The following ZMYM6 variants were observed in gnomAD, a reference collection of about 807,000 sequenced individuals.
ZMYM6 encodes the protein zinc finger MYM-type protein 6.
A neutral mutation model predicts 134.0 loss-of-function variants in ZMYM6; 90 were observed. The ratio of observed to expected loss-of-function variants is 0.67; its 90% CI spans 0.57 to 0.80. ZMYM6 has a LOEUF of 0.80. ZMYM6 is among the 30% of genes least tolerant of loss of function. ZMYM6 has a pLI of 0.00. For synonymous variants in ZMYM6, 481 were observed against 524.1 expected (o/e 0.92, Z 1.12); for missense variants, 1,362 against 1,533.9 (o/e 0.89, Z 1.87).
At chr1:35,020,491 A>AC in intron 2 of ZMYM6, 24 bp from the exon 3 acceptor site, 1 of 1,559,900 alleles carries the variant, frequency 6.4e-7, no homozygotes, top group Non-Finnish European at 8.7e-7. Flanking sequence ...AAGAAAAGAG[A>AC]AAAGAGCAAT....
At chr1:35,008,138 T>C (rs1641018104) in intron 11 of ZMYM6, among the ~76,000 whole-genome samples, 1 of 152,172 alleles carries the variant, frequency 6.6e-6, no homozygotes, top group Non-Finnish European at 1.5e-5. Flanking sequence ...ATAGATGCTG[T>C]CTTGCTGTCA....
At position 35,010,806 on chromosome 1, in the gene ZMYM6, C is replaced by A; in HGVS notation, c.1293G>T (p.Gln431His). The change falls in exon 9 of 16, where the codon CAG becomes CAT. Residue 431 changes from glutamine to histidine, a missense_variant. Gln to His is a conservative substitution (Grantham distance 24). Around this residue, in one of 3 missense-constraint regions of ZMYM6, gnomAD observed 503 missense variants for 520.8 expected, o/e 0.97. Coordinates refer to ENST00000357182, the MANE Select transcript of ZMYM6 (RefSeq NM_007167.4). ...TTGTGGCAAATAGATGGTTACAGTGCTGACACTTGAGTTTAACAACTGTAT... is the reference window on the plus strand; with the variant it reads ...TTGTGGCAAATAGATGGTTACAGTGATGACACTTGAGTTTAACAACTGTAT... ...LTHTVVKLKCQHCNHLFATKP... is the reference protein window; with the variant it reads ...LTHTVVKLKCHHCNHLFATKP... The A allele has an allele frequency of 6.3e-7, 1 of 1,599,380 alleles. No individual in the cohort carries two copies.
In ZMYM6 at chr1:35,010,302, T is replaced by C. The variant is rs983736360; in HGVS notation, c.1492+145A>G. Reference sequence around the variant, plus strand: ...TCCCAAAATGCTGGGATTACAGGCGTGAGCCTCCATGCCCGGCCTCCAAAA... The same window carrying C: ...TCCCAAAATGCTGGGATTACAGGCGCGAGCCTCCATGCCCGGCCTCCAAAA... On this transcript the variant is annotated intron_variant, in intron 10 of 15. Coordinates refer to ENST00000357182, the MANE Select transcript of ZMYM6 (RefSeq NM_007167.4). 3.0e-5 allele frequency: 32 copies of C among 1,065,216 alleles called. No individual in the cohort carries two copies. The Middle Eastern group carries it at 1.1e-3, about 35-fold the overall frequency. The allele number at this position is 1,065,216 out of a possible 1,614,324, so 66.0% of individuals were successfully genotyped here. A position where few individuals can be genotyped will look rare whatever the true frequency, so the allele number is the denominator to read the frequency against.
intron 4 of ZMYM6, chr1:35,018,727 TCTTA>T (rs369645923): frequency 6.6e-6 from 1 of 152,276 alleles, no homozygotes; most frequent in African/African-American, 2.4e-5. Context: ...AAAAGCAAGC[TCTTA>T]CTGTTTTTTG....
intron 14 of ZMYM6, 104 bp from the exon 15 acceptor site, chr1:34,992,491 T>C (rs1265720361): frequency 9.7e-6 from 12 of 1,241,680 alleles, no homozygotes; most frequent in African/African-American, 3.1e-5. Flanking sequence ...AAGAGAAATA[T>C]AATTCCTCTG....
chr1:34,988,299 A>T lies in ZMYM6; in HGVS notation c.2783T>A (p.Ile928Asn). The change falls in exon 16 of 16, where the codon ATT becomes AAT. Residue 928 changes from isoleucine to asparagine, a missense_variant. Coordinates refer to ENST00000357182, the MANE Select transcript of ZMYM6 (RefSeq NM_007167.4). ...ISNITLLLCY[I>N]RFIDYDCRDV... ...ACGACAATCATAATCAATGAAACGA[A>T]TATAGCACAAAAGAAGTGTGATATT... The T allele has an allele frequency of 1.3e-6, 2 of 1,551,136 alleles. No individual in the cohort carries two copies. The highest frequency in any genetic ancestry group is 1.7e-6 in the Non-Finnish European group (2 of 1,146,630).
chr1:35,015,897 G>A (rs1474197882), intron 4 of ZMYM6, among the ~76,000 whole-genome samples: 1 of 150,520 alleles, frequency 6.6e-6, no homozygotes, highest in Non-Finnish European at 1.5e-5. Flanking sequence ...TTAGCCAGAG[G>A]CTGCCCAAAG....
At chr1:34,989,623 C>G (rs1640634135) in intron 15 of ZMYM6, 1 of 151,784 alleles carries the variant, frequency 6.6e-6, no homozygotes, top group Admixed American at 6.6e-5. Context: ...AAAAAAAGGC[C>G]AGGCATGGGG....
chr1:35,003,753 C>A, intron 14 of ZMYM6: 1 of 501,132 alleles, frequency 2.0e-6, no homozygotes, highest in Non-Finnish European at 3.6e-6. Flanking sequence ...CAGCAATCCA[C>A]ATTTACATCA....
At position 34,988,253 on chromosome 1, in the gene ZMYM6, T is replaced by G; in HGVS notation, c.2829A>C (p.Leu943Phe). Residue 943 changes from leucine (L) to phenylalanine (F), a missense_variant, in exon 16 of 16, where the codon TTA becomes TTC. By Grantham distance (22) the Leu-to-Phe change is conservative. Coordinates refer to ENST00000357182, the MANE Select transcript of ZMYM6 (RefSeq NM_007167.4). ...YDCRDVKEEL[L>F]FCIEMPTQIT... ...TTTGAGTAGGCATTTCAATGCAAAA[T>G]AATAATTCTTCTTTTACATCACGAC... 1 of 1,550,200 alleles carries G rather than the reference T, an allele frequency of 6.5e-7. No individual in the cohort carries two copies. The highest frequency in any genetic ancestry group is 8.7e-7 in the Non-Finnish European group (1 of 1,146,200).
At position 35,008,940 on chromosome 1, in the gene ZMYM6, A is replaced by C; in HGVS notation, c.1493-16T>G. On this transcript the variant is annotated splice_polypyrimidine_tract_variant and intron_variant, in intron 10 of 15. Coordinates refer to ENST00000357182, the MANE Select transcript of ZMYM6 (RefSeq NM_007167.4). ...AATTTGCAAACTGAGGATCAGAGGGATGAAAGGAAGAAAAATCAAATTTAC... is the reference window on the plus strand; with the variant it reads ...AATTTGCAAACTGAGGATCAGAGGGCTGAAAGGAAGAAAAATCAAATTTAC... 1 of 1,598,834 alleles carries C rather than the reference A, an allele frequency of 6.3e-7. No individual in the cohort carries two copies. The highest frequency in any genetic ancestry group is 8.5e-7 in the Non-Finnish European group (1 of 1,173,056).
chr1:35,021,142 G>A (rs1243666415), intron 2 of ZMYM6, among the ~76,000 whole-genome samples: 1 of 146,094 alleles, frequency 6.8e-6, no homozygotes, highest in Non-Finnish European at 1.5e-5. Flanking sequence ...TTGACATGGA[G>A]TCTCATTCTG....
chr1:35,011,179 A>C, intron 8 of ZMYM6, 143 bp from the exon 9 acceptor site: 1 of 884,238 alleles, frequency 1.1e-6, no homozygotes. Flanking sequence ...TTTAAATGGT[A>C]TATTTCCAGA....
chr1:35,030,436 T>G (rs2148464804), intron 2 of ZMYM6, 111 bp downstream of exon 2: 1 of 972,184 alleles, frequency 1.0e-6, no homozygotes, highest in Non-Finnish European at 1.5e-6. Flanking sequence ...CTGTCTCAGT[T>G]TGGGTTATTT....
rs927267121 is a variant in ZMYM6, at chr1:35,030,542, C to A, written c.93+5G>T. ...TAAATTTTTAAATGAAGATGAAATGCTTACTTGAGCATTGTCTGGTTCTTC... is the reference window on the plus strand; with the variant it reads ...TAAATTTTTAAATGAAGATGAAATGATTACTTGAGCATTGTCTGGTTCTTC... On this transcript the variant is annotated splice_donor_5th_base_variant and intron_variant, in intron 2 of 15. Transcript: ENST00000357182. 3.8e-6 allele frequency: 6 copies of A among 1,597,656 alleles called. No individual in the cohort carries two copies. The highest frequency in any genetic ancestry group is 5.1e-6 in the Non-Finnish European group (6 of 1,176,606).
intron 12 of ZMYM6, among the ~76,000 whole-genome samples, chr1:35,006,648 C>T (rs970144538): frequency 2.0e-5 from 3 of 152,094 alleles, no homozygotes; most frequent in African/African-American, 7.2e-5. Context: ...TAGTATATAT[C>T]CCTAGTTTAA....
Position 35,005,130 on chromosome 1 carries a change from A to G in ZMYM6, c.1954+2T>C. 6.2e-7 allele frequency: 1 copy of G among 1,613,958 alleles called. No individual in the cohort carries two copies. The highest frequency in any genetic ancestry group is 8.5e-7 in the Non-Finnish European group (1 of 1,179,908). ...GCCAAATGCCATTATATCAAGTCAT[A>G]CCTTTTAAAACACTGTTAGTGTTCC... On this transcript the variant is annotated splice_donor_variant, in intron 13 of 15. Coordinates refer to ENST00000357182, the MANE Select transcript of ZMYM6 (RefSeq NM_007167.4). LOFTEE classifies it high-confidence loss of function.
At chr1:35,016,472 AAATAGC>A (rs1641190188) in intron 4 of ZMYM6, among the ~76,000 whole-genome samples, 1 of 152,218 alleles carries the variant, frequency 6.6e-6, no homozygotes, top group Non-Finnish European at 1.5e-5. Flanking sequence ...CAATAAGCAC[AAATAGC>A]AATACCCTGG....
In ZMYM6 at chr1:35,020,390, T is replaced by C. The variant is rs1641283952; in HGVS notation, c.171A>G (p.Arg57=). 9 of 1,608,680 alleles carry C rather than the reference T, an allele frequency of 5.6e-6. No individual in the cohort carries two copies. Among genetic ancestry groups the C allele is most frequent in the East Asian group, 2.2e-5 (1 of 44,716 alleles). ...TACAGTTCCATTTCTTACCAATAGG[T>C]CTCTCATTAACTGAAGACACACCAC... ...KIGGVSSVNE[R]PIAQQLNPGF... is the part of the protein sequence containing the mutation. The change falls in exon 3 of 16, where the codon AGA becomes AGG. Residue 57 remains arginine (R), a synonymous_variant. Coordinates refer to ENST00000357182, the MANE Select transcript of ZMYM6 (RefSeq NM_007167.4).
Sources: allele counts gnomAD v4.1 joint callset (sites outside exome capture counted in the v4.1 genomes callset), GRCh38; gene constraint gnomAD v4.1.1; regional missense constraint gnomAD v4.1.1; transcripts MANE v1.5; gene names NCBI Gene and HGNC (gene_info 2026-07-23, HGNC 2026-07-21).